The following EYS variants were observed in gnomAD, a reference collection of about 807,000 sequenced individuals.
The protein encoded by EYS is protein eyes shut homolog.
In EYS, 250 loss-of-function variants were observed where a neutral mutation model predicts 282.1. The ratio of observed to expected loss-of-function variants is 0.89; its 90% CI spans 0.80 to 0.98. The LOEUF (loss-of-function observed/expected upper bound fraction) is 0.98. EYS is among the 50% of genes least tolerant of loss of function. EYS has a pLI of 0.00. For missense variants in EYS, 4,016 were observed against 3,709.0 expected (o/e 1.08, Z -2.15); for synonymous variants, 1,355 against 1,282.9 (o/e 1.06, Z -1.20).
intron 8 of EYS, among the ~76,000 whole-genome samples, chr6:65,383,547 T>C (rs1421059423): frequency 5.9e-5 from 9 of 151,674 alleles, no homozygotes; most frequent in Admixed American, 4.6e-4. Flanking sequence ...CTTCATGTTG[T>C]ATTTATTTTT....
intron 2 of EYS, among the ~76,000 whole-genome samples, chr6:65,593,512 C>T (rs1394359804): frequency 6.6e-6 from 1 of 151,944 alleles, no homozygotes; most frequent in East Asian, 1.9e-4. Flanking sequence ...CAGCCCACCT[C>T]AGAACATTTA....
chr6:64,945,979 T>A (rs1047881362), intron 14 of EYS, 65 bp from the exon 15 acceptor site: 10 of 1,251,756 alleles, frequency 8.0e-6, no homozygotes, highest in African/African-American at 1.5e-5. Flanking sequence ...AATACAGATA[T>A]TACTCCTGGC....
At chr6:64,969,082 C>T (rs1770201757) in intron 14 of EYS, among the ~76,000 whole-genome samples, 1 of 151,772 alleles carries the variant, frequency 6.6e-6, no homozygotes, top group Non-Finnish European at 1.5e-5. Flanking sequence ...ACAATCAACT[C>T]CTTGCGTGAA....
intron 1 of EYS, among the ~76,000 whole-genome samples, chr6:65,685,741 T>C (rs1355760969): frequency 3.9e-5 from 6 of 152,068 alleles, no homozygotes; most frequent in African/African-American, 1.4e-4. Context: ...AGTTAATATG[T>C]CCAAATTTCA....
At chr6:65,408,259 C>A (rs1367030679) in intron 5 of EYS, among the ~76,000 whole-genome samples, 1 of 151,964 alleles carries the variant, frequency 6.6e-6, no homozygotes, top group Non-Finnish European at 1.5e-5. Context: ...TTTCTTGTGG[C>A]AGCTTTGTCT....
chr6:64,269,509 C>T (rs774056249), intron 30 of EYS, among the ~76,000 whole-genome samples: 33 of 151,734 alleles, frequency 2.2e-4, no homozygotes, highest in Middle Eastern at 3.4e-3. Context: ...ACCAACCAAC[C>T]GACTATTTCA....
chr6:64,472,130 G>A (rs1457000288), intron 26 of EYS, among the ~76,000 whole-genome samples: 2 of 152,134 alleles, frequency 1.3e-5, no homozygotes, highest in Non-Finnish European at 2.9e-5. Flanking sequence ...TACTATAAAA[G>A]GAAATGGAAA....
chr6:65,400,990 A>G (rs548784443), intron 7 of EYS, among the ~76,000 whole-genome samples: 10 of 152,078 alleles, frequency 6.6e-5, no homozygotes, highest in African/African-American at 2.4e-4. Context: ...AGCATCACTT[A>G]CGACTTGATT....
intron 31 of EYS, among the ~76,000 whole-genome samples, chr6:64,134,160 A>G (rs556085039): frequency 5.3e-5 from 8 of 152,220 alleles, no homozygotes; most frequent in African/African-American, 1.9e-4. Flanking sequence ...TTTCCAGTCC[A>G]TGATAAGAGT....
chr6:63,966,461 G>A lies in EYS; in HGVS notation c.7055+17922C>T, dbSNP rs117817222. ...CAAAATCTCACAAATCATGGCTGAA[G>A]AGCTTACTCATGTGACCAAATACCA... is the stretch of plus-strand genomic sequence containing the variant. On this transcript the variant is annotated intron_variant, in intron 35 of 42. Transcript: ENST00000503581. Among the ~76,000 whole-genome samples the A allele has an allele frequency of 1.7e-3, 258 of 152,196 alleles. 3 individuals carry two copies. The East Asian group carries it at 0.042, about 25-fold the overall frequency.
At chr6:64,851,738 C>T (rs1474829432) in intron 19 of EYS, among the ~76,000 whole-genome samples, 1 of 151,892 alleles carries the variant, frequency 6.6e-6, no homozygotes, top group African/African-American at 2.4e-5. Context: ...TAAGTGGGAG[C>T]TAAATGATGA....
intron 19 of EYS, among the ~76,000 whole-genome samples, chr6:64,879,071 T>A (rs182923068): frequency 3.9e-4 from 60 of 152,302 alleles, no homozygotes; most frequent in Non-Finnish European, 7.1e-4. Context: ...TTTTATGTGT[T>A]GCCCTTTTAG....
chr6:64,831,288 G>A (rs574702152), intron 19 of EYS, among the ~76,000 whole-genome samples: 43 of 152,008 alleles, frequency 2.8e-4, no homozygotes, highest in African/African-American at 1.0e-3. Flanking sequence ...TAGTTACTAG[G>A]AAAATGTATA....
intron 5 of EYS, among the ~76,000 whole-genome samples, chr6:65,488,278 T>G (rs1340068757): frequency 6.6e-6 from 1 of 152,188 alleles, no homozygotes; most frequent in Non-Finnish European, 1.5e-5. Flanking sequence ...GATGTCGATT[T>G]TAGATCTCTC....
chr6:64,919,027 C>T (rs1460665968), intron 15 of EYS, among the ~76,000 whole-genome samples: 1 of 151,986 alleles, frequency 6.6e-6, no homozygotes, highest in Non-Finnish European at 1.5e-5. Context: ...TGATATTCTG[C>T]AGTATTTTAT....
At chr6:64,025,544 A>G (rs1310732838) in intron 33 of EYS, among the ~76,000 whole-genome samples, 1 of 152,058 alleles carries the variant, frequency 6.6e-6, no homozygotes, top group Non-Finnish European at 1.5e-5. Flanking sequence ...AGTTTCTCCT[A>G]TGAGAATGAT....
At chr6:65,363,526 G>A (rs1237181654) in intron 8 of EYS, among the ~76,000 whole-genome samples, 3 of 151,742 alleles carry the variant, frequency 2.0e-5, no homozygotes, top group Non-Finnish European at 2.9e-5. Flanking sequence ...TATGATTGAT[G>A]TTGTTTTTCA....
intron 31 of EYS, among the ~76,000 whole-genome samples, chr6:64,118,308 C>G (rs1418586667): frequency 6.6e-6 from 1 of 151,960 alleles, no homozygotes; most frequent in Non-Finnish European, 1.5e-5. Context: ...CTATAGTAAC[C>G]AAAACAACAT....
intron 1 of EYS, among the ~76,000 whole-genome samples, chr6:65,665,929 T>C (rs1768182890): frequency 6.6e-6 from 1 of 152,034 alleles, no homozygotes; most frequent in Non-Finnish European, 1.5e-5. Context: ...TGTGTCAAAC[T>C]TCTCTCTTGT....
Sources: allele counts gnomAD v4.1 joint callset (sites outside exome capture counted in the v4.1 genomes callset), GRCh38; gene constraint gnomAD v4.1.1; transcripts MANE v1.5; gene names NCBI Gene and HGNC (gene_info 2026-07-23, HGNC 2026-07-21).